TEX11: variants seen among roughly 807,000 people sequenced by gnomAD.
TEX11 encodes the protein testis-expressed protein 11.
TEX11 carries 7 observed loss-of-function variants against 84.4 expected under a neutral mutation model. The ratio of observed to expected loss-of-function variants is 0.08; its 90% CI spans 0.05 to 0.16. TEX11 has a LOEUF of 0.16. TEX11 is among the 10% of genes least tolerant of loss of function. The pLI is 1.00. For synonymous variants in TEX11, 264 were observed against 222.8 expected (o/e 1.18, Z -1.64); for missense variants, 551 against 660.5 (o/e 0.83, Z 1.82).
chrX:70,514,776 C>G, the TEX11 span, among the ~76,000 whole-genome samples: 1 of 108,591 alleles, frequency 9.2e-6, no homozygotes, highest in Non-Finnish European at 1.9e-5. Context: ...TTCTTAAAAG[C>G]AGGACATTTG....
intron 17 of TEX11, 60 bp from the exon 18 acceptor site, chrX:70,629,795 A>G (rs1484708601): frequency 7.5e-6 from 6 of 800,253 alleles, no homozygotes; most frequent in Middle Eastern, 4.0e-4. Flanking sequence ...TTACATATCT[A>G]TGGTTAATTA....
chrX:70,551,452 A>G (rs2088212601), intron 28 of TEX11, among the ~76,000 whole-genome samples: 1 of 111,440 alleles, frequency 9.0e-6, no homozygotes, highest in Non-Finnish European at 1.9e-5. Context: ...TTATCCTGAT[A>G]TGATTATTAT....
intron 24 of TEX11, among the ~76,000 whole-genome samples, chrX:70,603,108 G>A (rs1317643712): frequency 1.5e-5 from 1 of 65,693 alleles, no homozygotes; most frequent in Admixed American, 2.1e-4. Flanking sequence ...AATCAATATC[G>A]TGAAAATGGC....
intron 9 of TEX11, among the ~76,000 whole-genome samples, chrX:70,762,718 G>T (rs188619929): frequency 1.8e-5 from 2 of 111,590 alleles, no homozygotes; most frequent in African/African-American, 3.3e-5. Flanking sequence ...GTGCCAAAAA[G>T]GTTGGGGACT....
At chrX:70,684,977 G>T (rs531138764) in intron 13 of TEX11, among the ~76,000 whole-genome samples, 1 of 111,733 alleles carries the variant, frequency 8.9e-6, no homozygotes, top group South Asian at 3.8e-4. Context: ...ACAGAATCGA[G>T]AGCCCAGAAA....
At chrX:70,867,145 T>G (rs2091603645) in intron 4 of TEX11, among the ~76,000 whole-genome samples, 1 of 111,854 alleles carries the variant, frequency 8.9e-6, no homozygotes, top group African/African-American at 3.2e-5. Context: ...GCCCAAAAAC[T>G]CCTTAAGCTG....
At chrX:70,831,300 G>A (rs1318067035) in intron 8 of TEX11, among the ~76,000 whole-genome samples, 1 of 111,214 alleles carries the variant, frequency 9.0e-6, no homozygotes, top group Admixed American at 9.6e-5. Context: ...GGTTGCCAGG[G>A]GGTTGGGGAA....
intron 25 of TEX11, among the ~76,000 whole-genome samples, chrX:70,558,169 A>G (rs1236732033): frequency 9.0e-6 from 1 of 111,294 alleles, no homozygotes; most frequent in African/African-American, 3.3e-5. Flanking sequence ...AGGAAAAGAA[A>G]AAGAAAATAG....
In TEX11 at chrX:70,733,779, T is replaced by C. The variant is rs746742175; in HGVS notation, c.843+6922A>G. Among the ~76,000 whole-genome samples, 6 of 111,676 alleles carry C rather than the reference T, an allele frequency of 5.4e-5. No individual in the cohort carries two copies. The South Asian group carries it at 2.3e-3, about 43-fold the overall frequency. On this transcript the variant is annotated intron_variant, in intron 11 of 29. Coordinates refer to ENST00000374333, the MANE Select transcript of TEX11 (RefSeq NM_031276.3). Reference sequence around the variant, plus strand: ...CAGGGATCTAGAACTAGAAATACCATTTGACCCAGCCATCCCATTACTGGG... The same window carrying C: ...CAGGGATCTAGAACTAGAAATACCACTTGACCCAGCCATCCCATTACTGGG...
chrX:70,539,063 C>A (rs2088004821), intron 28 of TEX11, among the ~76,000 whole-genome samples: 1 of 43,774 alleles, frequency 2.3e-5, no homozygotes, highest in Non-Finnish European at 4.2e-5. Flanking sequence ...AAGATGGAGT[C>A]TCACTCTGTT....
intron 13 of TEX11, among the ~76,000 whole-genome samples, chrX:70,720,263 G>A (rs1383784061): frequency 2.7e-5 from 3 of 110,901 alleles, no homozygotes; most frequent in African/African-American, 6.6e-5. Flanking sequence ...GCAAACTATC[G>A]CAAGGACAAA....
chrX:70,624,054 C>G, intron 19 of TEX11, 48 bp from the exon 20 acceptor site: 1 of 1,069,038 alleles, frequency 9.4e-7, no homozygotes, highest in Non-Finnish European at 1.3e-6. Flanking sequence ...TAGGAAGAAA[C>G]ATGTGTGAAT....
At chrX:70,724,651 A>G (rs995974313) in intron 12 of TEX11, among the ~76,000 whole-genome samples, 1 of 111,434 alleles carries the variant, frequency 9.0e-6, no homozygotes, top group Non-Finnish European at 1.9e-5. Context: ...AATAACAGTA[A>G]TAATAATAAC....
intron 9 of TEX11, among the ~76,000 whole-genome samples, chrX:70,773,241 G>C (rs952055257): frequency 9.2e-6 from 1 of 108,987 alleles, no homozygotes; most frequent in African/African-American, 3.3e-5. Context: ...ATTAATAAAA[G>C]TCAAAAAAAA....
At chrX:70,866,136 C>T (rs1044515972) in intron 4 of TEX11, among the ~76,000 whole-genome samples, 1 of 111,120 alleles carries the variant, frequency 9.0e-6, no homozygotes, top group Non-Finnish European at 1.9e-5. Context: ...CAAATAGATA[C>T]ACCGCTAACC....
At chrX:70,635,384 AG>A (rs2089559277) in intron 17 of TEX11, among the ~76,000 whole-genome samples, 1 of 112,120 alleles carries the variant, frequency 8.9e-6, no homozygotes, top group South Asian at 3.7e-4. Flanking sequence ...CATATCCTGC[AG>A]ACCCAGGCTC....
chrX:70,523,101 G>GT, the TEX11 span, among the ~76,000 whole-genome samples: 7 of 110,881 alleles, frequency 6.3e-5, no homozygotes, highest in East Asian at 2.0e-3. Context: ...AATTAAAAAA[G>GT]TAATATAAGC....
At chrX:70,685,631 A>G (rs1179420697) in intron 13 of TEX11, among the ~76,000 whole-genome samples, 2 of 112,162 alleles carry the variant, frequency 1.8e-5, no homozygotes, top group African/African-American at 6.5e-5. Context: ...CAAACTAAAA[A>G]GCTTCTGCAC....
chrX:70,522,518 A>G, the TEX11 span, among the ~76,000 whole-genome samples: 2 of 111,113 alleles, frequency 1.8e-5, no homozygotes, highest in Middle Eastern at 4.3e-3. Flanking sequence ...ATTTAAAGAA[A>G]ATGATGCAAA....
Sources: gnomAD v4.1 joint callset for allele counts (sites outside exome capture counted in the v4.1 genomes callset) on GRCh38, gnomAD v4.1.1 for gene constraint, MANE v1.5 for transcripts, NCBI Gene and HGNC (gene_info 2026-07-23, HGNC 2026-07-21) for gene names.